CBX5: variants seen among roughly 807,000 people sequenced by gnomAD.
CBX5 encodes chromobox protein homolog 5.
CBX5 carries 7 observed loss-of-function variants against 20.7 expected under a neutral mutation model. That is an observed-to-expected ratio of 0.34 (90% CI 0.19 to 0.63). The LOEUF (loss-of-function observed/expected upper bound fraction) is 0.63, where lower values mean the gene tolerates loss of function less well. Among genes scored for constraint, CBX5 ranks in the 30% least tolerant of loss-of-function variants. The probability of loss-of-function intolerance (pLI) is 0.75; values close to 1 mark genes in which losing one functional copy is unlikely to be tolerated. For missense variants in CBX5, 110 were observed against 224.1 expected (o/e 0.49, Z 3.25); for synonymous variants, 78 against 77.0 (o/e 1.01, Z -0.07).
intron 1 of CBX5, among the ~76,000 whole-genome samples, chr12:54,268,322 T>C (rs1000839081): frequency 2.0e-5 from 3 of 152,158 alleles, no homozygotes; most frequent in Non-Finnish European, 2.9e-5. Context: ...TTTTCAAGTG[T>C]CTCTATTGAC....
At chr12:54,265,826 C>T (rs56060600) in intron 1 of CBX5, among the ~76,000 whole-genome samples, 10 of 152,110 alleles carry the variant, frequency 6.6e-5, no homozygotes, top group Non-Finnish European at 7.4e-5. Context: ...GCAGATCGAT[C>T]ACTTGACGTC....
At position 54,231,393 on chromosome 12, in the gene CBX5, G is replaced by C. The variant is rs1320700883; in HGVS notation, c.*10362C>G. On this transcript the variant is annotated 3_prime_UTR_variant, in exon 5 of 5. Transcript: ENST00000209875. Reference sequence around the variant, plus strand: ...TCAACTCCTGGCTACTTGGCAGGGAGTCAGACTGTGCTCTCTCCATTCCCC... The same window carrying C: ...TCAACTCCTGGCTACTTGGCAGGGACTCAGACTGTGCTCTCTCCATTCCCC... 1 of 154,624 alleles carries C rather than the reference G, an allele frequency of 6.5e-6. No individual in the cohort carries two copies. The highest frequency in any genetic ancestry group is 1.5e-5 in the Non-Finnish European group (1 of 68,086). The allele number at this position is 154,624 out of a possible 1,614,324, so 9.6% of individuals were successfully genotyped here. A position where few individuals can be genotyped will look rare whatever the true frequency, so the allele number is the denominator to read the frequency against.
At chr12:54,263,169 T>C (rs566255965) in intron 1 of CBX5, among the ~76,000 whole-genome samples, 163 of 152,152 alleles carry the variant, frequency 1.1e-3, no homozygotes, top group African/African-American at 3.8e-3. Flanking sequence ...CAGACCAACC[T>C]GGCCAACATG....
chr12:54,242,170 A>G (rs1157008095), intron 4 of CBX5, among the ~76,000 whole-genome samples: 1 of 152,166 alleles, frequency 6.6e-6, no homozygotes, highest in East Asian at 1.9e-4. Flanking sequence ...ATAATAAATA[A>G]TATTAATCTG....
chr12:54,246,247 T>C (rs1261015501), intron 3 of CBX5, 32 bp from the exon 4 acceptor site: 2 of 1,515,236 alleles, frequency 1.3e-6, no homozygotes, highest in Non-Finnish European at 1.8e-6. Context: ...AGGTTACAGC[T>C]TGTGGAAAGA....
intron 1 of CBX5, among the ~76,000 whole-genome samples, chr12:54,277,960 A>G (rs975436793): frequency 2.0e-5 from 3 of 152,166 alleles, no homozygotes. Flanking sequence ...CTCCTACCTC[A>G]GCCTCAGCTT....
In CBX5 at chr12:54,234,178, C is replaced by CAAAAA. The variant is rs60901455; in HGVS notation, c.*7572_*7576dup. 1.2e-4 allele frequency: 5 copies of CAAAAA among 40,320 alleles called. No homozygotes were observed. The highest frequency in any genetic ancestry group is 2.0e-4 in the African/African-American group (3 of 14,796). The allele number at this position is 40,320 out of a possible 1,614,324, so 2.5% of individuals were successfully genotyped here. On this transcript the variant is annotated 3_prime_UTR_variant, in exon 5 of 5. Coordinates refer to ENST00000209875, the MANE Select transcript of CBX5 (RefSeq NM_012117.3). ...TGGGCAAAAGAGCAAGTTTCCATCT[C>CAAAAA]AAAAAAAAAAAAAAAAAAAAAAAAA...
intron 2 of CBX5, among the ~76,000 whole-genome samples, chr12:54,254,928 T>C (rs1267353206): frequency 1.3e-5 from 2 of 152,018 alleles, no homozygotes; most frequent in Non-Finnish European, 2.9e-5. Context: ...ACCATATAGT[T>C]TACCATCCCA....
At chr12:54,254,659 C>T (rs1260507834) in intron 2 of CBX5, among the ~76,000 whole-genome samples, 1 of 152,034 alleles carries the variant, frequency 6.6e-6, no homozygotes, top group Admixed American at 6.6e-5. Flanking sequence ...TCGAGACCAT[C>T]CTGGCCAACA....
intron 1 of CBX5, among the ~76,000 whole-genome samples, chr12:54,270,342 C>T (rs1262529662): frequency 6.6e-6 from 1 of 152,186 alleles, no homozygotes; most frequent in African/African-American, 2.4e-5. Flanking sequence ...GTGGCAGGAT[C>T]ATAGCTCACT....
intron 1 of CBX5, among the ~76,000 whole-genome samples, chr12:54,261,329 G>A (rs1329182865): frequency 2.7e-5 from 4 of 149,652 alleles, no homozygotes; most frequent in African/African-American, 7.4e-5. Flanking sequence ...ACGGAGTCTC[G>A]CTCTGTCACC....
At chr12:54,277,350 C>CCCG (rs1944079766) in intron 1 of CBX5, among the ~76,000 whole-genome samples, 1 of 152,160 alleles carries the variant, frequency 6.6e-6, no homozygotes, top group South Asian at 2.1e-4. Context: ...ATTACAGGCA[C>CCCG]CCGCCACCAC....
At chr12:54,247,168 C>T (rs1943745731) in intron 3 of CBX5, among the ~76,000 whole-genome samples, 1 of 152,100 alleles carries the variant, frequency 6.6e-6, no homozygotes, top group South Asian at 2.1e-4. Context: ...TGGTCAGTGC[C>T]TATCCCCTCT....
intron 1 of CBX5, chr12:54,278,750 G>A (rs964230972): frequency 6.6e-6 from 1 of 152,330 alleles, no homozygotes; most frequent in African/African-American, 2.4e-5. Context: ...AATAATCCAG[G>A]TGATGGATGA....
chr12:54,246,358 ATACTAAG>A, intron 3 of CBX5, 143 bp from the exon 4 acceptor site: 1 of 613,902 alleles, frequency 1.6e-6, no homozygotes, highest in Non-Finnish European at 2.9e-6. Flanking sequence ...TTAGAACTTA[ATACTAAG>A]TACTGACAGT....
chr12:54,274,979 G>A (rs552012142), intron 1 of CBX5, among the ~76,000 whole-genome samples: 2 of 152,084 alleles, frequency 1.3e-5, no homozygotes, highest in South Asian at 4.1e-4. Context: ...AAGCGACTTA[G>A]TCTTCCTCAA....
chr12:54,254,014 G>C (rs1943838232), intron 2 of CBX5, among the ~76,000 whole-genome samples: 1 of 152,124 alleles, frequency 6.6e-6, no homozygotes, highest in African/African-American at 2.4e-5. Flanking sequence ...GCCACTCAAA[G>C]TGCTGGAATT....
Position 54,234,606 on chromosome 12 carries a change from A to G in CBX5, c.*7149T>C, listed in dbSNP as rs1181105321. 6.6e-6 allele frequency: 1 copy of G among 152,220 alleles called. No individual in the cohort carries two copies. Among genetic ancestry groups the G allele is most frequent in the Non-Finnish European group, 1.5e-5 (1 of 68,026 alleles). The allele number at this position is 152,220 out of a possible 1,614,324, so 9.4% of individuals were successfully genotyped here. A position where few individuals can be genotyped will look rare whatever the true frequency, so the allele number is the denominator to read the frequency against. Reference sequence around the variant, plus strand: ...GGCTGTGATAATTAGGTTTTGATCTATTGTGACATTAATGATCACAATCAG... The same window carrying G: ...GGCTGTGATAATTAGGTTTTGATCTGTTGTGACATTAATGATCACAATCAG... On this transcript the variant is annotated 3_prime_UTR_variant, in exon 5 of 5. Coordinates refer to ENST00000209875, the MANE Select transcript of CBX5 (RefSeq NM_012117.3).
At chr12:54,264,526 T>A (rs1013461193) in intron 1 of CBX5, among the ~76,000 whole-genome samples, 1 of 152,150 alleles carries the variant, frequency 6.6e-6, no homozygotes, top group African/African-American at 2.4e-5. Flanking sequence ...TTCTAGATCT[T>A]TCACTAAGCT....
Sources: allele counts gnomAD v4.1 joint callset (sites outside exome capture counted in the v4.1 genomes callset), GRCh38; gene constraint gnomAD v4.1.1; transcripts MANE v1.5; gene names NCBI Gene and HGNC (gene_info 2026-07-23, HGNC 2026-07-21).